Variants in PRTG observed in about 807,000 individuals in gnomAD.
PRTG encodes immunoglobulin superfamily, DCC subclass, member 5.
In PRTG, 67 loss-of-function variants were observed where a neutral mutation model predicts 122.5. That is an observed-to-expected ratio of 0.55 (90% CI 0.45 to 0.67). The LOEUF is 0.67. Among genes scored for constraint, PRTG ranks in the 30% least tolerant of loss-of-function variants. The pLI, the probability that PRTG is intolerant of heterozygous loss-of-function variation, is 0.00. For synonymous variants in PRTG, 554 were observed against 501.1 expected (o/e 1.11, Z -1.41); for missense variants, 1,435 against 1,415.4 (o/e 1.01, Z -0.22).
chr15:55,708,404 C>T (rs932723105), intron 2 of PRTG, among the ~76,000 whole-genome samples: 9 of 151,728 alleles, frequency 5.9e-5, no homozygotes, highest in African/African-American at 1.5e-4. Context: ...GTCAGGAGTT[C>T]GAGACCAGCC....
intron 11 of PRTG, among the ~76,000 whole-genome samples, chr15:55,660,376 C>T (rs1284690070): frequency 6.6e-6 from 1 of 151,948 alleles, no homozygotes; most frequent in African/African-American, 2.4e-5. Flanking sequence ...AAAAGAAAAC[C>T]CCTCTCGTTT....
At chr15:55,740,754 T>C (rs2031583663) in intron 1 of PRTG, 70 bp from the exon 2 acceptor site, 2 of 1,292,996 alleles carry the variant, frequency 1.5e-6, no homozygotes, top group Non-Finnish European at 2.2e-6. Flanking sequence ...AACACACAAC[T>C]GTAAAACACA....
At chr15:55,626,663 C>A (rs2059196717) in intron 17 of PRTG, among the ~76,000 whole-genome samples, 1 of 151,034 alleles carries the variant, frequency 6.6e-6, no homozygotes, top group Non-Finnish European at 1.5e-5. Flanking sequence ...GAGACTGAGG[C>A]AGGAGAATGG....
At chr15:55,737,423 C>T (rs543254165) in intron 2 of PRTG, among the ~76,000 whole-genome samples, 10 of 152,268 alleles carry the variant, frequency 6.6e-5, no homozygotes, top group Non-Finnish European at 1.0e-4. Flanking sequence ...AGCCTCCAGG[C>T]CTTTGGGGAG....
In PRTG at chr15:55,624,470, G is replaced by T. The variant is rs1282356146; in HGVS notation, c.2965C>A (p.Gln989Lys). Residue 989 changes from glutamine to lysine, a missense_variant, in exon 18 of 20, where the codon CAA (glutamine) becomes AAA (lysine). Coordinates refer to ENST00000389286, the MANE Select transcript of PRTG (RefSeq NM_173814.6). ...GAGGCACTGGTACGAGGTAACTGTT[G>T]AGTTCCATTCTGTGCCGTCTTGGAA... is the stretch of plus-strand genomic sequence containing the variant. ...SASKTAQNGT[Q>K]QLPRTSASLA... is the part of the protein sequence containing the mutation. The T allele has an allele frequency of 6.2e-7, 1 of 1,613,960 alleles. No individual in the cohort carries two copies. The highest frequency in any genetic ancestry group is 8.5e-7 in the Non-Finnish European group (1 of 1,179,926).
At chr15:55,694,070 T>C (rs1467855595) in intron 2 of PRTG, among the ~76,000 whole-genome samples, 1 of 152,214 alleles carries the variant, frequency 6.6e-6, no homozygotes, top group Non-Finnish European at 1.5e-5. Flanking sequence ...TTTTCCATTT[T>C]GAATGTGCAG....
chr15:55,680,219 C>G lies in PRTG; in HGVS notation c.815-7G>C. 6.2e-7 allele frequency: 1 copy of G among 1,600,286 alleles called. No individual in the cohort carries two copies. Among genetic ancestry groups the G allele is most frequent in the East Asian group, 2.2e-5 (1 of 44,748 alleles). ...ACATCAATGGATTTGTGATCTATTT[C>G]AAAGAGAATACTTCAGTTTAAACAA... On this transcript the variant is annotated splice_region_variant and splice_polypyrimidine_tract_variant and intron_variant, in intron 5 of 19. Transcript: ENST00000389286.
Position 55,619,819 on chromosome 15 carries a change from C to G in PRTG, c.*193G>C, listed in dbSNP as rs1283868877. 2 of 895,874 alleles carry G rather than the reference C, an allele frequency of 2.2e-6. No homozygotes were observed. The highest frequency in any genetic ancestry group is 5.4e-5 in the East Asian group (2 of 37,210). 55.5% of individuals were successfully genotyped at this position (895,874 alleles called of 1,614,324 possible). On this transcript the variant is annotated 3_prime_UTR_variant, in exon 20 of 20. Transcript: ENST00000389286. ...AGGCTTTGGTTCCCTGTTCATTGTC[C>G]TTCGAACAGATTTAATGGTGAGAAT...
At chr15:55,688,966 GACT>G (rs1178766247) in intron 2 of PRTG, among the ~76,000 whole-genome samples, 3 of 152,184 alleles carry the variant, frequency 2.0e-5, no homozygotes, top group Non-Finnish European at 4.4e-5. Flanking sequence ...CTAAGCTAGA[GACT>G]ACTTACTCTT....
chr15:55,709,145 C>CAAAAAAA (rs3985769), intron 2 of PRTG, among the ~76,000 whole-genome samples: 11 of 51,834 alleles, frequency 2.1e-4, no homozygotes, highest in African/African-American at 7.2e-4. Context: ...GACTCTGTCT[C>CAAAAAAA]AAAAAAAAAA....
chr15:55,714,787 G>C (rs1595671990), intron 2 of PRTG, among the ~76,000 whole-genome samples: 1 of 152,124 alleles, frequency 6.6e-6, no homozygotes, highest in Non-Finnish European at 1.5e-5. Flanking sequence ...AAATTGAGCA[G>C]CTTCTTAAAT....
At chr15:55,628,219 C>T (rs1427356248) in intron 16 of PRTG, among the ~76,000 whole-genome samples, 1 of 152,108 alleles carries the variant, frequency 6.6e-6, no homozygotes, top group African/African-American at 2.4e-5. Context: ...AGAGCAGCCC[C>T]TCTTCTCCAC....
chr15:55,724,478 C>CTA (rs2030951980), intron 2 of PRTG, among the ~76,000 whole-genome samples: 1 of 152,042 alleles, frequency 6.6e-6, no homozygotes, highest in Non-Finnish European at 1.5e-5. Context: ...AGGCTGGGTG[C>CTA]TATAGCTCAC....
chr15:55,629,019 A>G lies in PRTG; in HGVS notation c.2624-15T>C. The G allele has an allele frequency of 1.9e-6, 3 of 1,553,356 alleles. No individual in the cohort carries two copies. ...GGTTATTGCCCCTAGAAATACATCA[A>G]TTACAAATTAAGTGAACATTTATCT... On this transcript the variant is annotated splice_polypyrimidine_tract_variant and intron_variant, in intron 15 of 19. Transcript: ENST00000389286.
At chr15:55,620,822 T>G in intron 18 of PRTG, 55 bp from the exon 19 acceptor site, 2 of 1,439,938 alleles carry the variant, frequency 1.4e-6, no homozygotes, top group Non-Finnish European at 1.9e-6. Context: ...AGATTTCACT[T>G]TATCACAAGT....
intron 17 of PRTG, 133 bp from the exon 18 acceptor site, chr15:55,624,640 C>T (rs1045534160): frequency 2.3e-5 from 14 of 621,196 alleles, no homozygotes; most frequent in Middle Eastern, 3.8e-4. Context: ...TTTTTAGAAT[C>T]GAGTGTTAGA....
At position 55,681,930 on chromosome 15, in the gene PRTG, A is replaced by T. The variant is rs575320848; in HGVS notation, c.676+434T>A. On this transcript the variant is annotated intron_variant, in intron 4 of 19. Transcript: ENST00000389286. ...AACTGCCTGTTGAAAATATTTTTTT[A>T]AAAAATAAAAATACACAAATTTTAA... is the stretch of plus-strand genomic sequence containing the variant. Among the ~76,000 whole-genome samples, 153 of 152,290 alleles carry T rather than the reference A, an allele frequency of 1.0e-3. 3 individuals are homozygous for T. Among genetic ancestry groups the T allele is most frequent in the African/African-American group, 3.5e-3 (144 of 41,560 alleles).
At chr15:55,731,656 A>T (rs1337721291) in intron 2 of PRTG, among the ~76,000 whole-genome samples, 1 of 152,206 alleles carries the variant, frequency 6.6e-6, no homozygotes, top group Non-Finnish European at 1.5e-5. Flanking sequence ...GGCGTGAGCC[A>T]CCATGCCCAG....
intron 2 of PRTG, among the ~76,000 whole-genome samples, chr15:55,717,931 T>C (rs1216186819): frequency 1.3e-5 from 2 of 152,220 alleles, no homozygotes; most frequent in African/African-American, 4.8e-5. Context: ...GTTGGTGCCG[T>C]GACTTGGATC....
Sources: gnomAD v4.1 joint callset for allele counts (sites outside exome capture counted in the v4.1 genomes callset) on GRCh38, gnomAD v4.1.1 for gene constraint, MANE v1.5 for transcripts, NCBI Gene and HGNC (gene_info 2026-07-23, HGNC 2026-07-21) for gene names.